Variants in TBL1XR1 observed in about 807,000 individuals in gnomAD.
TBL1XR1 encodes F-box-like/WD repeat-containing protein TBL1XR1.
A neutral mutation model predicts 66.9 loss-of-function variants in TBL1XR1; 5 were observed. The observed-to-expected ratio is 0.07, with a 90% CI of 0.04 to 0.16. The LOEUF (loss-of-function observed/expected upper bound fraction) is 0.16. Ranked by LOEUF, TBL1XR1 falls within the 10% of genes least tolerant of loss-of-function variation. The probability of loss-of-function intolerance (pLI) is 1.00; values close to 1 mark genes in which losing one functional copy is unlikely to be tolerated. For synonymous variants in TBL1XR1, 210 were observed against 206.0 expected (o/e 1.02, Z -0.17); for missense variants, 238 against 623.2 (o/e 0.38, Z 6.58).
intron 10 of TBL1XR1, among the ~76,000 whole-genome samples, chr3:177,043,519 A>C (rs539463984): frequency 6.6e-6 from 1 of 152,248 alleles, no homozygotes; most frequent in African/African-American, 2.4e-5. Context: ...GAAATGTATA[A>C]ATGTACACTT....
chr3:177,092,830 C>T (rs756493993), intron 2 of TBL1XR1, among the ~76,000 whole-genome samples: 1 of 152,024 alleles, frequency 6.6e-6, no homozygotes, highest in Admixed American at 6.6e-5. Flanking sequence ...GAGATTTGCA[C>T]ATCCATGTTC....
chr3:177,114,738 C>T (rs1009635816), intron 1 of TBL1XR1, among the ~76,000 whole-genome samples: 8 of 151,466 alleles, frequency 5.3e-5, no homozygotes, highest in Admixed American at 1.3e-4. Context: ...TGGTTTGGGA[C>T]GCTGAGATGG....
intron 1 of TBL1XR1, among the ~76,000 whole-genome samples, chr3:177,115,850 A>G (rs1265017878): frequency 6.6e-6 from 1 of 152,188 alleles, no homozygotes; most frequent in African/African-American, 2.4e-5. Flanking sequence ...TTTTCTTCAA[A>G]GCAGCAACAG....
chr3:177,153,343 C>G (rs1731118469), intron 1 of TBL1XR1, among the ~76,000 whole-genome samples: 1 of 152,130 alleles, frequency 6.6e-6, no homozygotes, highest in Non-Finnish European at 1.5e-5. Flanking sequence ...AGTGGAAAAC[C>G]TCGATCTTCC....
intron 4 of TBL1XR1, among the ~76,000 whole-genome samples, chr3:177,052,431 C>T (rs1328725869): frequency 6.6e-6 from 1 of 152,152 alleles, no homozygotes; most frequent in Non-Finnish European, 1.5e-5. Flanking sequence ...AGTGTTATTG[C>T]AGGGTACTGT....
chr3:177,177,018 A>G (rs1220899547), intron 1 of TBL1XR1, among the ~76,000 whole-genome samples: 1 of 152,096 alleles, frequency 6.6e-6, no homozygotes, highest in Non-Finnish European at 1.5e-5. Flanking sequence ...GTTGACAGAG[A>G]TTACTGGTAG....
chr3:177,148,776 G>A (rs565539861), intron 1 of TBL1XR1, among the ~76,000 whole-genome samples: 10 of 152,106 alleles, frequency 6.6e-5, no homozygotes, highest in South Asian at 4.2e-4. Context: ...TTGGGAGGCC[G>A]GGTGGATCAC....
At chr3:177,158,368 A>G (rs558158063) in intron 1 of TBL1XR1, among the ~76,000 whole-genome samples, 21 of 151,932 alleles carry the variant, frequency 1.4e-4, no homozygotes, top group African/African-American at 4.3e-4. Context: ...AGCTGGGATT[A>G]CAGGTGCGAA....
At chr3:177,129,810 C>A (rs1728068578) in intron 1 of TBL1XR1, among the ~76,000 whole-genome samples, 1 of 152,110 alleles carries the variant, frequency 6.6e-6, no homozygotes, top group South Asian at 2.1e-4. Flanking sequence ...ATATCAATAA[C>A]TACAACCTCC....
chr3:177,124,391 A>G (rs190821061), intron 1 of TBL1XR1, among the ~76,000 whole-genome samples: 6 of 152,282 alleles, frequency 3.9e-5, no homozygotes, highest in Admixed American at 3.9e-4. Context: ...ATGACCCATC[A>G]TTCAACCTCA....
rs1011921299 is a variant in TBL1XR1 at position 177,111,398 on chromosome 3, G to A, written c.-121-12857C>T. On this transcript the variant is annotated intron_variant, in intron 1 of 15. Transcript: ENST00000457928. The stretch of plus-strand genomic sequence containing the variant: ...AGCGATTCACCTGCCTCAGCCTCCC[G>A]AGTAGCTGGGACTACAGGTGCATGC... 2.0e-5 allele frequency among the ~76,000 whole-genome samples: 3 copies of A among 151,522 alleles called. No homozygotes were observed. In the East Asian group the frequency reaches 5.8e-4, roughly 29 times the overall value.
intron 1 of TBL1XR1, among the ~76,000 whole-genome samples, chr3:177,113,486 A>G (rs577410915): frequency 8.5e-5 from 13 of 152,300 alleles, no homozygotes; most frequent in African/African-American, 3.1e-4. Context: ...ATAATATCTA[A>G]AAGAACTTAA....
At chr3:177,140,883 A>G (rs1248626380) in intron 1 of TBL1XR1, among the ~76,000 whole-genome samples, 6 of 152,180 alleles carry the variant, frequency 3.9e-5, no homozygotes, top group African/African-American at 1.4e-4. Context: ...TTAAAACATT[A>G]TGAGATTTTT....
chr3:177,155,484 A>G (rs1382312149), intron 1 of TBL1XR1, among the ~76,000 whole-genome samples: 1 of 152,212 alleles, frequency 6.6e-6, no homozygotes, highest in Admixed American at 6.5e-5. Context: ...TTCTGTATCT[A>G]TGAAAGAAAT....
intron 14 of TBL1XR1, 63 bp from the exon 15 acceptor site, chr3:177,026,537 G>A: frequency 8.3e-7 from 1 of 1,199,188 alleles, no homozygotes; most frequent in South Asian, 1.7e-5. Context: ...TCCAAATGCT[G>A]AAATAAAAAT....
chr3:177,047,643 AGAAT>A, intron 7 of TBL1XR1, 94 bp from the exon 8 acceptor site: 1 of 1,379,640 alleles, frequency 7.2e-7, no homozygotes, highest in Non-Finnish European at 1.0e-6. Flanking sequence ...GGTACAGAAG[AGAAT>A]GAAGACATTC....
At chr3:177,110,897 A>G (rs1725476641) in intron 1 of TBL1XR1, 1 of 152,198 alleles carries the variant, frequency 6.6e-6, no homozygotes, top group South Asian at 2.1e-4. Flanking sequence ...TCTTTCAAAC[A>G]AAGAGGAAAA....
intron 1 of TBL1XR1, among the ~76,000 whole-genome samples, chr3:177,168,397 T>C (rs1312449661): frequency 6.6e-6 from 1 of 151,914 alleles, no homozygotes; most frequent in African/African-American, 2.4e-5. Flanking sequence ...TTCTCCTGCC[T>C]CAGCCTTCTG....
rs1182273413 is a variant in TBL1XR1, at chr3:177,185,133, A to G, written c.-122+11988T>C. Among the ~76,000 whole-genome samples the G allele has an allele frequency of 6.6e-5, 10 of 152,216 alleles. No homozygotes were observed. The East Asian group carries it at 1.9e-3, about 29-fold the overall frequency. On this transcript the variant is annotated intron_variant, in intron 1 of 15. Coordinates refer to ENST00000457928, the MANE Select transcript of TBL1XR1 (RefSeq NM_024665.7). ...ACAGTTCAAAAGGTTACACATGAAA[A>G]TAAGTCTCTCTGACATCTGACTACA...
Sources: gnomAD v4.1 joint callset for allele counts (sites outside exome capture counted in the v4.1 genomes callset) on GRCh38, gnomAD v4.1.1 for gene constraint, MANE v1.5 for transcripts, NCBI Gene and HGNC (gene_info 2026-07-23, HGNC 2026-07-21) for gene names.